Variants in NCF2 observed in about 807,000 individuals in gnomAD.
NCF2 encodes the protein neutrophil cytosol factor 2.
NCF2 carries 45 observed loss-of-function variants against 70.9 expected under a neutral mutation model. That is an observed-to-expected ratio of 0.63 (90% CI 0.50 to 0.81). The LOEUF is 0.81. Ranked by LOEUF, NCF2 falls within the 40% of genes least tolerant of loss-of-function variation. The pLI is 0.00. For synonymous variants in NCF2, 203 were observed against 233.6 expected (o/e 0.87, Z 1.19); for missense variants, 522 against 631.6 (o/e 0.83, Z 1.86).
In NCF2 at chr1:183,571,280, G is replaced by A. The variant is rs190438099; in HGVS notation, c.610-441C>T. ...TTACAGGCACCCGCCACTGTGCCCG[G>A]CTAATTTTTGTATTTTCAGTAGAGA... On this transcript the variant is annotated intron_variant, in intron 5 of 14. Transcript: ENST00000367535. 1.1e-3 allele frequency among the ~76,000 whole-genome samples: 173 copies of A among 152,036 alleles called. 1 individual carries two copies. Among genetic ancestry groups the A allele is most frequent in the African/African-American group, 4.0e-3 (167 of 41,440 alleles).
At chr1:183,599,982 ATCT>A in the NCF2 span, among the ~76,000 whole-genome samples, 8 of 152,232 alleles carry the variant, frequency 5.3e-5, no homozygotes, top group African/African-American at 1.9e-4. Context: ...TGTTCACTGA[ATCT>A]TCTTAACATA....
At chr1:183,558,499 C>T (rs1180563506) in intron 14 of NCF2, among the ~76,000 whole-genome samples, 1 of 152,008 alleles carries the variant, frequency 6.6e-6, no homozygotes, top group African/African-American at 2.4e-5. Context: ...AACTCCTGAC[C>T]TCAAGCAGTC....
At chr1:183,576,493 G>A (rs867972777) in intron 3 of NCF2, among the ~76,000 whole-genome samples, 5 of 152,198 alleles carry the variant, frequency 3.3e-5, no homozygotes, top group Non-Finnish European at 4.4e-5. Context: ...GCATCTAAAA[G>A]CTAGAGATGC....
chr1:183,596,106 C>T, the NCF2 span, among the ~76,000 whole-genome samples: 8 of 151,830 alleles, frequency 5.3e-5, no homozygotes, highest in South Asian at 4.2e-4. Context: ...CTGTAAGCCC[C>T]GAAAATACAA....
the NCF2 span, among the ~76,000 whole-genome samples, chr1:183,600,168 C>T: frequency 3.9e-5 from 6 of 152,164 alleles, no homozygotes; most frequent in East Asian, 1.9e-4. Flanking sequence ...ATGTAAAGAT[C>T]GGCTCCTAAG....
chr1:183,574,481 G>A lies in NCF2; in HGVS notation c.501+6C>T, dbSNP rs749848761. The A allele has an allele frequency of 3.2e-5, 51 of 1,614,054 alleles. No homozygotes were observed. Among genetic ancestry groups the A allele is most frequent in the Non-Finnish European group, 4.1e-5 (48 of 1,179,972 alleles). ...CTCTCAACACCTGCATCACCAATAC[G>A]CTTACCCAGACACACTCCATCGCCT... On this transcript the variant is annotated splice_donor_region_variant and intron_variant, in intron 4 of 14. Transcript: ENST00000367535.
At chr1:183,596,705 G>A in the NCF2 span, among the ~76,000 whole-genome samples, 1 of 151,400 alleles carries the variant, frequency 6.6e-6, no homozygotes. Context: ...TTGCATCACT[G>A]CACTCCAGCC....
the NCF2 span, among the ~76,000 whole-genome samples, chr1:183,599,484 C>CTTTCTTTCTTTCTTTCTTTCT: frequency 6.6e-4 from 27 of 40,694 alleles, no homozygotes; most frequent in Admixed American, 1.5e-3. Flanking sequence ...CTTTCTTTCT[C>CTTTCTTTCTTTCTTTCTTTCT]TTTTCTTTCT....
At chr1:183,564,906 C>T (rs752266227) in intron 10 of NCF2, among the ~76,000 whole-genome samples, 2 of 152,122 alleles carry the variant, frequency 1.3e-5, no homozygotes, top group Non-Finnish European at 2.9e-5. Context: ...TGAAGTGTCA[C>T]GAGTCTGTAA....
At position 183,556,089 on chromosome 1, in the gene NCF2, T is replaced by A; in HGVS notation, c.*29A>T. ...TACAAACAAGTAATAGGGCTTCATT[T>A]TCTTCAGCTTTGTAGTTTGTGAAAC... On this transcript the variant is annotated 3_prime_UTR_variant, in exon 15 of 15. Transcript: ENST00000367535. The A allele has an allele frequency of 1.3e-6, 2 of 1,576,342 alleles. No homozygotes were observed. Among genetic ancestry groups the A allele is most frequent in the Non-Finnish European group, 1.7e-6 (2 of 1,145,556 alleles).
upstream of NCF2, chr1:183,590,977 C>A (rs55677357): frequency 5.1e-4 from 81 of 158,506 alleles, 2 homozygotes; most frequent in South Asian, 0.013. Flanking sequence ...GCCTTTTAAC[C>A]AATTGAATGT....
upstream of NCF2, chr1:183,590,911 T>C (rs1388056140): frequency 6.0e-6 from 1 of 167,694 alleles, no homozygotes; most frequent in Admixed American, 5.6e-5. Flanking sequence ...TGACCTAGAG[T>C]GAGAACTTCT....
At chr1:183,574,381 A>C in intron 4 of NCF2, 106 bp downstream of exon 4, 1 of 1,516,198 alleles carries the variant, frequency 6.6e-7, no homozygotes, top group Non-Finnish European at 9.2e-7. Context: ...ACCCAGACTC[A>C]CAGAAAGTAA....
upstream of NCF2, among the ~76,000 whole-genome samples, chr1:183,593,465 T>C (rs961207012): frequency 5.9e-5 from 9 of 152,134 alleles, no homozygotes; most frequent in Admixed American, 1.3e-4. Flanking sequence ...TGCTGCCCTG[T>C]GCTCATTCCA....
the NCF2 span, among the ~76,000 whole-genome samples, chr1:183,597,452 G>A: frequency 2.0e-5 from 3 of 152,158 alleles, no homozygotes; most frequent in African/African-American, 7.2e-5. Context: ...CCCCTATTTA[G>A]CAGAACAGAA....
At chr1:183,561,330 A>G (rs1558091175) in intron 13 of NCF2, among the ~76,000 whole-genome samples, 1 of 152,214 alleles carries the variant, frequency 6.6e-6, no homozygotes, top group African/African-American at 2.4e-5. Context: ...AGGCAATACA[A>G]TGAGGTGGAA....
upstream of NCF2, among the ~76,000 whole-genome samples, chr1:183,594,210 A>C (rs567846380): frequency 1.6e-4 from 25 of 152,190 alleles, no homozygotes; most frequent in South Asian, 3.7e-3. Flanking sequence ...GTTAGAGACC[A>C]GCCTGGGCAA....
chr1:183,571,991 T>C (rs10911358), intron 5 of NCF2, among the ~76,000 whole-genome samples: 69,385 of 152,054 alleles, frequency 0.46, 16,203 homozygotes, highest in East Asian at 0.62. Flanking sequence ...TGATTACTCA[T>C]TCATCAGTTG....
At chr1:183,564,575 C>G (rs896527512) in intron 10 of NCF2, among the ~76,000 whole-genome samples, 5 of 152,186 alleles carry the variant, frequency 3.3e-5, no homozygotes, top group Non-Finnish European at 7.3e-5. Flanking sequence ...GATCTCAAAC[C>G]TAGCTGATCA....
Sources: gnomAD v4.1 joint callset for allele counts (sites outside exome capture counted in the v4.1 genomes callset) on GRCh38, gnomAD v4.1.1 for gene constraint, MANE v1.5 for transcripts, NCBI Gene and HGNC (gene_info 2026-07-23, HGNC 2026-07-21) for gene names.